NRXN1: variants seen among roughly 807,000 people sequenced by gnomAD.
NRXN1 encodes the protein neurexin-1.
A neutral mutation model predicts 150.9 loss-of-function variants in NRXN1; 39 were observed. The observed-to-expected ratio is 0.26, with a 90% CI of 0.20 to 0.34. The LOEUF is 0.34. Ranked by LOEUF, NRXN1 falls within the 10% of genes least tolerant of loss-of-function variation. NRXN1 has a pLI of 1.00. For missense variants in NRXN1, 1,815 were observed against 1,949.9 expected (o/e 0.93, Z 1.30); for synonymous variants, 924 against 757.0 (o/e 1.22, Z -3.62).
At chr2:50,503,832 A>C (rs1003981276) in intron 13 of NRXN1, among the ~76,000 whole-genome samples, 107 of 152,174 alleles carry the variant, frequency 7.0e-4, no homozygotes, top group African/African-American at 2.4e-3. Context: ...AAAACGTAGT[A>C]ATTATACAAT....
In NRXN1 at chr2:50,935,833, G is replaced by A. The variant is rs187553062; in HGVS notation, c.773-9878C>T. ...GATGAAATAAAAAGTTTCATGTCAA[G>A]AATGAGTAAGATGTATAATAAAAAT... On this transcript the variant is annotated intron_variant, in intron 2 of 22. Coordinates refer to ENST00000401669, the MANE Select transcript of NRXN1 (RefSeq NM_001330078.2). Among the ~76,000 whole-genome samples the A allele has an allele frequency of 1.4e-3, 219 of 152,052 alleles. 2 individuals are homozygous for A. Among genetic ancestry groups the A allele is most frequent in the African/African-American group, 5.0e-3 (209 of 41,506 alleles).
At chr2:50,095,733 T>C (rs547160002) in intron 18 of NRXN1, among the ~76,000 whole-genome samples, 1 of 151,046 alleles carries the variant, frequency 6.6e-6, no homozygotes, top group East Asian at 2.0e-4. Context: ...TTAGAAACAA[T>C]GAGCATCCGT....
chr2:50,440,679 C>G (rs1164099369), intron 17 of NRXN1, among the ~76,000 whole-genome samples: 3 of 152,012 alleles, frequency 2.0e-5, no homozygotes, highest in Non-Finnish European at 4.4e-5. Flanking sequence ...GCATTGCTGC[C>G]TCTCTTTCCC....
chr2:50,155,132 G>C (rs1033238156), intron 18 of NRXN1, among the ~76,000 whole-genome samples: 1 of 151,472 alleles, frequency 6.6e-6, no homozygotes, highest in Non-Finnish European at 1.5e-5. Context: ...CCAGTAATGC[G>C]ATTCAAGTTT....
chr2:50,999,410 G>A (rs930867606), intron 2 of NRXN1, among the ~76,000 whole-genome samples: 1 of 151,930 alleles, frequency 6.6e-6, no homozygotes, highest in East Asian at 2.0e-4. Flanking sequence ...GTTTATATGG[G>A]GCTGAAAGAT....
chr2:50,510,546 C>G (rs1000831659), intron 12 of NRXN1, among the ~76,000 whole-genome samples: 1 of 140,638 alleles, frequency 7.1e-6, no homozygotes, highest in African/African-American at 2.7e-5. Flanking sequence ...AAAAGAAAGA[C>G]CATAGCCTTA....
At chr2:49,971,643 G>C (rs1054359494) in intron 21 of NRXN1, among the ~76,000 whole-genome samples, 1 of 152,060 alleles carries the variant, frequency 6.6e-6, no homozygotes, top group Non-Finnish European at 1.5e-5. Flanking sequence ...TCCAAAGATC[G>C]GTCTGGAGAC....
At chr2:50,152,772 G>A (rs773572841) in intron 18 of NRXN1, among the ~76,000 whole-genome samples, 7 of 151,572 alleles carry the variant, frequency 4.6e-5, no homozygotes, top group East Asian at 3.9e-4. Context: ...GTCTTTTGAC[G>A]GTTTGATTCT....
At chr2:50,068,687 T>C (rs143093030) in intron 19 of NRXN1, among the ~76,000 whole-genome samples, 7 of 152,346 alleles carry the variant, frequency 4.6e-5, no homozygotes, top group Non-Finnish European at 1.0e-4. Flanking sequence ...TATTAGCCCT[T>C]ATATTGTAGT....
intron 17 of NRXN1, among the ~76,000 whole-genome samples, chr2:50,456,672 G>C (rs944861532): frequency 1.4e-4 from 21 of 151,652 alleles, no homozygotes; most frequent in African/African-American, 5.1e-4. Flanking sequence ...CCTTTTTTCT[G>C]GACTCTACAT....
chr2:50,570,135 T>C (rs1347951608), intron 8 of NRXN1, among the ~76,000 whole-genome samples: 1 of 152,146 alleles, frequency 6.6e-6, no homozygotes, highest in Non-Finnish European at 1.5e-5. Context: ...TGGAGGGATC[T>C]ATAAGAAGCC....
chr2:50,461,687 T>C (rs1166839693), intron 17 of NRXN1, among the ~76,000 whole-genome samples: 1 of 151,894 alleles, frequency 6.6e-6, no homozygotes, highest in Non-Finnish European at 1.5e-5. Flanking sequence ...CAAGAGAAAT[T>C]TCATAAACAG....
intron 5 of NRXN1, among the ~76,000 whole-genome samples, chr2:50,907,102 C>T (rs537272221): frequency 2.0e-5 from 3 of 151,760 alleles, no homozygotes; most frequent in South Asian, 2.1e-4. Context: ...TCACTCTCTC[C>T]CTTTTCCCTT....
At chr2:50,465,138 C>G (rs2088681632) in intron 17 of NRXN1, among the ~76,000 whole-genome samples, 1 of 151,518 alleles carries the variant, frequency 6.6e-6, no homozygotes, top group Admixed American at 6.6e-5. Context: ...AAGGTTCTTT[C>G]AAAAACCAAG....
At chr2:50,431,572 A>G (rs1427445635) in intron 17 of NRXN1, among the ~76,000 whole-genome samples, 2 of 152,174 alleles carry the variant, frequency 1.3e-5, no homozygotes, top group Non-Finnish European at 2.9e-5. Context: ...ATTTAAAAGT[A>G]TTTCACATTA....
intron 17 of NRXN1, among the ~76,000 whole-genome samples, chr2:50,275,716 G>T (rs1209695363): frequency 6.6e-6 from 1 of 152,026 alleles, no homozygotes; most frequent in Non-Finnish European, 1.5e-5. Flanking sequence ...CATTTTGGTA[G>T]AATTCATTCC....
rs116580529 is a variant in NRXN1 at position 50,031,093 on chromosome 2, C to T, written c.4128+22178G>A. Among the ~76,000 whole-genome samples, 1,341 of 152,146 alleles carry T rather than the reference C, an allele frequency of 8.8e-3. 25 individuals carry two copies. Among genetic ancestry groups the T allele is most frequent in the African/African-American group, 0.03 (1,258 of 41,542 alleles). On this transcript the variant is annotated intron_variant, in intron 21 of 22. Coordinates refer to ENST00000401669, the MANE Select transcript of NRXN1 (RefSeq NM_001330078.2). ...CTTAAGTATGCAGCATATATACTAA[C>T]ATGTAAAGCACACCTTTTGCACTAA...
chr2:49,937,844 T>G (rs1671318756), intron 22 of NRXN1, among the ~76,000 whole-genome samples: 1 of 152,038 alleles, frequency 6.6e-6, no homozygotes, highest in Admixed American at 6.6e-5. Flanking sequence ...CAAAATTATT[T>G]TCTAATCAAG....
At chr2:49,940,816 A>C (rs1166922412) in intron 22 of NRXN1, among the ~76,000 whole-genome samples, 1 of 152,210 alleles carries the variant, frequency 6.6e-6, no homozygotes, top group Admixed American at 6.5e-5. Context: ...AATTTATGGC[A>C]TATATTATCA....
Sources: gnomAD v4.1 joint callset for allele counts (sites outside exome capture counted in the v4.1 genomes callset) on GRCh38, gnomAD v4.1.1 for gene constraint, MANE v1.5 for transcripts, NCBI Gene and HGNC (gene_info 2026-07-23, HGNC 2026-07-21) for gene names.